Variants in B3GNT3 observed in about 807,000 individuals in gnomAD.
B3GNT3 encodes the protein N-acetyllactosaminide beta-1,3-N-acetylglucosaminyltransferase 3.
Under a neutral mutation model 11.6 loss-of-function variants are expected in B3GNT3, and 7 were observed. The ratio of observed to expected loss-of-function variants is 0.60; its 90% CI spans 0.34 to 1.13. The LOEUF (loss-of-function observed/expected upper bound fraction) is 1.13. Among genes scored for constraint, B3GNT3 ranks in the 50% most tolerant of loss-of-function variants. B3GNT3 has a pLI of 0.03. For synonymous variants in B3GNT3, 201 were observed against 222.1 expected (o/e 0.90, Z 0.85); for missense variants, 400 against 507.4 (o/e 0.79, Z 2.03).
At chr19:17,804,935 C>T (rs2094171273) in intron 1 of B3GNT3, among the ~76,000 whole-genome samples, 1 of 151,840 alleles carries the variant, frequency 6.6e-6, no homozygotes, top group South Asian at 2.1e-4. Flanking sequence ...AACTCTTCCA[C>T]CTAGATGTTA....
chr19:17,801,472 A>G (rs1050616164), intron 1 of B3GNT3, among the ~76,000 whole-genome samples: 1 of 146,550 alleles, frequency 6.8e-6, no homozygotes, highest in Non-Finnish European at 1.5e-5. Context: ...ACAAGCCACC[A>G]TACCCAGCTG....
intron 1 of B3GNT3, among the ~76,000 whole-genome samples, chr19:17,798,647 G>T (rs1483835279): frequency 2.6e-5 from 4 of 151,778 alleles, no homozygotes; most frequent in African/African-American, 9.7e-5. Context: ...CTCCAGCCTG[G>T]GCAACAGAGT....
Position 17,811,825 on chromosome 19 carries a change from G to T in B3GNT3, c.822G>T (p.Leu274Phe). 1 of 1,614,218 alleles carries T rather than the reference G, an allele frequency of 6.2e-7. No homozygotes were observed. The stretch of plus-strand genomic sequence containing the variant: ...CCTATTGTGGGGGTGGTGGCTTCTT[G>T]CTGTCCCGCTTCACGGCCGCTGCCC... ...YPPYCGGGGFLLSRFTAAALR... is the reference protein window; with the variant it reads ...YPPYCGGGGFFLSRFTAAALR... Residue 274 changes from leucine to phenylalanine, a missense_variant, in exon 3 of 3, where the codon TTG (leucine) becomes TTT (phenylalanine). Coordinates refer to ENST00000318683, the MANE Select transcript of B3GNT3 (RefSeq NM_014256.4). The surrounding 1 kb of genome is among the most constrained non-coding windows in gnomAD (Gnocchi z 4.1).
intron 1 of B3GNT3, among the ~76,000 whole-genome samples, chr19:17,805,512 C>T (rs117248042): frequency 1.4e-3 from 211 of 152,252 alleles, no homozygotes; most frequent in Middle Eastern, 3.4e-3. Context: ...CTGGCGTGCC[C>T]ATTCTATTCT....
At chr19:17,794,898 C>G (rs1049864249), upstream of B3GNT3, 1 of 152,408 alleles carries the variant, frequency 6.6e-6, no homozygotes, top group Non-Finnish European at 1.5e-5. Context: ...GGTCGTGAGC[C>G]CCGAGAGGGG....
chr19:17,804,240 C>CTTTTTTT (rs773524591), intron 1 of B3GNT3, among the ~76,000 whole-genome samples: 4 of 112,186 alleles, frequency 3.6e-5, no homozygotes, highest in Non-Finnish European at 5.4e-5. Flanking sequence ...TCTTTTTTTT[C>CTTTTTTT]TTTTTTTTTT....
Position 17,807,828 on chromosome 19 carries a change from G to A in B3GNT3, c.21G>A (p.Arg7=). The change falls in exon 2 of 3, where the codon CGG becomes CGA. Residue 7 remains arginine, a synonymous_variant. Transcript: ENST00000318683. The part of the protein sequence containing the change: MKYLRH[R]RPNATLILAI... ...CCAGGATGAAGTATCTCCGGCACCG[G>A]CGGCCCAATGCCACCCTCATTCTGG... is the stretch of plus-strand genomic sequence containing the variant. 6 of 1,611,372 alleles carry A rather than the reference G, an allele frequency of 3.7e-6. No homozygotes were observed. Among genetic ancestry groups the A allele is most frequent in the African/African-American group, 1.3e-5 (1 of 74,974 alleles).
intron 2 of B3GNT3, among the ~76,000 whole-genome samples, chr19:17,810,794 T>A (rs2094179641): frequency 6.6e-6 from 1 of 151,730 alleles, no homozygotes; most frequent in Admixed American, 6.6e-5. Flanking sequence ...GGCAGAAGAA[T>A]TGCTTGAACC....
intron 1 of B3GNT3, 33 bp from the exon 2 acceptor site, chr19:17,807,725 T>C: frequency 7.5e-7 from 1 of 1,341,106 alleles, no homozygotes. Flanking sequence ...GCTTTGCTCA[T>C]GGCGAGTGTT....
Position 17,812,215 on chromosome 19 carries a change from C to T in B3GNT3, c.*93C>T. 7.4e-7 allele frequency: 1 copy of T among 1,356,718 alleles called. No homozygotes were observed. The highest frequency in any genetic ancestry group is 1.5e-5 in the African/African-American group (1 of 68,312). The allele number at this position is 1,356,718 out of a possible 1,614,324, so 84.0% of individuals were successfully genotyped here. A position where few individuals can be genotyped will look rare whatever the true frequency, so the allele number is the denominator to read the frequency against. ...GAAGCTGAGACCTTTGTGGTCTGAG[C>T]ATAAGGGAGTGCCAGGGAAGGTTTG... On this transcript the variant is annotated 3_prime_UTR_variant, in exon 3 of 3. Transcript: ENST00000318683.
In B3GNT3 at chr19:17,811,685, G is replaced by C; in HGVS notation, c.682G>C (p.Asp228His). The change falls in exon 3 of 3, where the codon GAC (aspartate) becomes CAC (histidine). Residue 228 changes from aspartate (D) to histidine (H), a missense_variant. Asp to His is a moderately conservative substitution (Grantham distance 81). Coordinates refer to ENST00000318683, the MANE Select transcript of B3GNT3 (RefSeq NM_014256.4). This position sits in a 1 kb window ranked among gnomAD's most constrained non-coding sequence, Gnocchi z 4.1. ...CATGGTCTTCTACCTGCAGGACCAT[G>C]ACCCTGGCCGCCACCTCTTCGTGGG... Reference protein sequence around the residue: ...DNMVFYLQDHDPGRHLFVGQL... With the variant: ...DNMVFYLQDHHPGRHLFVGQL... 6.2e-7 allele frequency: 1 copy of C among 1,614,222 alleles called. No individual in the cohort carries two copies. Among genetic ancestry groups the C allele is most frequent in the Admixed American group, 1.7e-5 (1 of 60,026 alleles).
intron 1 of B3GNT3, among the ~76,000 whole-genome samples, chr19:17,804,707 G>A (rs1297904574): frequency 6.6e-6 from 1 of 151,202 alleles, no homozygotes; most frequent in Non-Finnish European, 1.5e-5. Context: ...ACCACGCCCT[G>A]CTAATTTTTG....
chr19:17,801,541 T>C (rs2052746045), intron 1 of B3GNT3, among the ~76,000 whole-genome samples: 1 of 151,662 alleles, frequency 6.6e-6, no homozygotes, highest in Non-Finnish European at 1.5e-5. Flanking sequence ...TGGAGTGCAG[T>C]GGTGCTATCA....
chr19:17,802,815 C>T (rs1599845196), intron 1 of B3GNT3, among the ~76,000 whole-genome samples: 1 of 151,706 alleles, frequency 6.6e-6, no homozygotes, highest in East Asian at 1.9e-4. Context: ...GTAGCTGGGA[C>T]TAAAGGCATA....
intron 2 of B3GNT3, among the ~76,000 whole-genome samples, chr19:17,808,916 T>C (rs961327470): frequency 5.9e-5 from 9 of 152,190 alleles, no homozygotes; most frequent in Non-Finnish European, 1.0e-4. Context: ...CTGGGCTTGC[T>C]GCAACCACCT....
chr19:17,804,240 C>CTTTTTTTTTTTTTTTTTT (rs773524591), intron 1 of B3GNT3, among the ~76,000 whole-genome samples: 13 of 112,186 alleles, frequency 1.2e-4, no homozygotes, highest in Admixed American at 1.9e-4. Context: ...TCTTTTTTTT[C>CTTTTTTTTTTTTTTTTTT]TTTTTTTTTT....
chr19:17,811,991 T>A lies in B3GNT3; in HGVS notation c.988T>A (p.Ser330Thr). ...CGTGCGGGCTCCATCGCAACGCCTG[T>A]CCTCCTTTGACCCCTGCTTCTACCG... ...SGVRAPSQRL[S>T]SFDPCFYRDL... Residue 330 changes from serine to threonine, a missense_variant, in exon 3 of 3, where the codon TCC becomes ACC. Transcript: ENST00000318683. The surrounding 1 kb of genome is among the most constrained non-coding windows in gnomAD (Gnocchi z 4.1). 6.2e-7 allele frequency: 1 copy of A among 1,602,862 alleles called. No individual in the cohort carries two copies. Among genetic ancestry groups the A allele is most frequent in the Non-Finnish European group, 8.5e-7 (1 of 1,179,958 alleles).
At chr19:17,804,857 C>G (rs77766084) in intron 1 of B3GNT3, among the ~76,000 whole-genome samples, 2,422 of 151,820 alleles carry the variant, frequency 0.016, 79 homozygotes, top group East Asian at 0.14. Context: ...GCACCCAGCC[C>G]TTCACCTTAT....
At chr19:17,806,308 G>T (rs950791840) in intron 1 of B3GNT3, among the ~76,000 whole-genome samples, 7 of 151,922 alleles carry the variant, frequency 4.6e-5, no homozygotes, top group Non-Finnish European at 1.0e-4. Flanking sequence ...GTAGAGACGG[G>T]GTTTCACCAT....
Sources: allele counts gnomAD v4.1 joint callset (sites outside exome capture counted in the v4.1 genomes callset), GRCh38; gene constraint gnomAD v4.1.1; non-coding constraint Gnocchi (gnomAD v3.1); transcripts MANE v1.5; gene names NCBI Gene and HGNC (gene_info 2026-07-23, HGNC 2026-07-21).